Variants in LPIN1 observed in about 807,000 individuals in gnomAD.
LPIN1 encodes phosphatidate phosphatase LPIN1.
In LPIN1, 71 loss-of-function variants were observed where a neutral mutation model predicts 107.5. That is an observed-to-expected ratio of 0.66 (90% CI 0.55 to 0.80). The LOEUF (loss-of-function observed/expected upper bound fraction) is 0.80. Ranked by LOEUF, LPIN1 falls within the 30% of genes least tolerant of loss-of-function variation. LPIN1 has a pLI of 0.00. For missense variants in LPIN1, 1,043 were observed against 1,160.6 expected (o/e 0.90, Z 1.47); for synonymous variants, 445 against 452.6 (o/e 0.98, Z 0.21).
upstream of LPIN1, among the ~76,000 whole-genome samples, chr2:11,719,496 C>T (rs1270071199): frequency 6.6e-6 from 1 of 152,216 alleles, no homozygotes. Context: ...TTTAGTCAGA[C>T]TTTCCCTTTG....
chr2:11,726,420 C>T (rs1383089629), intron 1 of LPIN1, among the ~76,000 whole-genome samples: 5 of 152,096 alleles, frequency 3.3e-5, no homozygotes, highest in Admixed American at 2.6e-4. Context: ...TTTCCCATTA[C>T]CTAAGGTTTG....
chr2:11,705,662 G>T (rs1047562411), intron 1 of LPIN1, among the ~76,000 whole-genome samples: 1 of 152,174 alleles, frequency 6.6e-6, no homozygotes, highest in Admixed American at 6.5e-5. Flanking sequence ...GAATAGGAGG[G>T]GTTGAAATGC....
At chr2:11,682,988 A>G (rs1661805463) in intron 1 of LPIN1, 1 of 152,196 alleles carries the variant, frequency 6.6e-6, no homozygotes, top group Non-Finnish European at 1.5e-5. Flanking sequence ...ACCTGTTCCC[A>G]AAGGTCCTTT....
intron 3 of LPIN1, among the ~76,000 whole-genome samples, chr2:11,770,724 C>T (rs976165408): frequency 6.6e-6 from 1 of 152,146 alleles, no homozygotes; most frequent in Admixed American, 6.6e-5. Context: ...TTTATAAAAA[C>T]TGCTGAATCA....
At chr2:11,688,504 G>A (rs11889885) in intron 1 of LPIN1, among the ~76,000 whole-genome samples, 39,602 of 152,038 alleles carry the variant, frequency 0.26, 5,956 homozygotes, top group Middle Eastern at 0.36. Context: ...TTCAGGCCCC[G>A]CCTGTTCCTC....
intron 2 of LPIN1, among the ~76,000 whole-genome samples, chr2:11,715,846 C>CG (rs1663700699): frequency 6.6e-6 from 1 of 152,058 alleles, no homozygotes; most frequent in Admixed American, 6.5e-5. Flanking sequence ...CAGGAGGCCT[C>CG]GTCTGCTTTT....
chr2:11,697,277 C>A lies in LPIN1; in HGVS notation c.82-16479C>A, dbSNP rs1402335118. 1.3e-5 allele frequency among the ~76,000 whole-genome samples: 2 copies of A among 152,216 alleles called. No individual in the cohort carries two copies. The highest frequency in any genetic ancestry group is 3.8e-4 in the East Asian group (2 of 5,196). On this transcript the variant is annotated intron_variant, in intron 1 of 21. Coordinates refer to the LPIN1 transcript ENST00000449576. This position sits in a 1 kb window ranked among gnomAD's most constrained non-coding sequence, Gnocchi z 4.6. ...CTGCTTCTGGATACAACCGCACTAC[C>A]CAGATGCTTCCTGGCCTCGCCCAGC...
intron 1 of LPIN1, among the ~76,000 whole-genome samples, chr2:11,685,251 C>T (rs900820061): frequency 3.3e-5 from 5 of 152,142 alleles, no homozygotes; most frequent in African/African-American, 9.7e-5. Context: ...GCCAGTGTGG[C>T]CAGAGCTGAG....
intron 1 of LPIN1, among the ~76,000 whole-genome samples, chr2:11,708,628 A>C (rs1302754946): frequency 1.3e-5 from 2 of 152,182 alleles, no homozygotes; most frequent in Non-Finnish European, 2.9e-5. Flanking sequence ...AGCAGGAGGC[A>C]CAGGAGATGG....
At chr2:11,752,493 G>C (rs1667971210) in intron 1 of LPIN1, among the ~76,000 whole-genome samples, 1 of 134,402 alleles carries the variant, frequency 7.4e-6, no homozygotes, top group Non-Finnish European at 1.5e-5. Context: ...GTGCAGTGGC[G>C]GGATCTCGGC....
At chr2:11,819,631 G>A in intron 19 of LPIN1, 33 bp downstream of exon 19, 2 of 1,443,916 alleles carry the variant, frequency 1.4e-6, no homozygotes, top group Non-Finnish European at 2.0e-6. Context: ...AAGAACCCTT[G>A]AAATGACTGC....
chr2:11,752,045 C>T (rs932452430), intron 1 of LPIN1, among the ~76,000 whole-genome samples: 6 of 152,150 alleles, frequency 3.9e-5, no homozygotes, highest in African/African-American at 1.4e-4. Context: ...CAGAGTCATA[C>T]AGATATTAAG....
intron 1 of LPIN1, among the ~76,000 whole-genome samples, chr2:11,748,494 A>G (rs1339047080): frequency 6.6e-6 from 1 of 152,200 alleles, no homozygotes; most frequent in Non-Finnish European, 1.5e-5. Flanking sequence ...TGTTGCAAAA[A>G]TTAATTGAGA....
exon 2 of LPIN1, chr2:11,713,774 C>G (rs1401121289): frequency 1.3e-6 from 2 of 1,518,678 alleles, no homozygotes; most frequent in East Asian, 4.9e-5. Context: ...AATGAGAGAC[C>G]CTGGGTGGAT....
upstream of LPIN1, chr2:11,724,278 C>T (rs550213109): frequency 5.3e-5 from 48 of 906,018 alleles, no homozygotes; most frequent in Non-Finnish European, 6.1e-5. Flanking sequence ...TCATAGTCCC[C>T]GTGGGGGGCA....
intron 1 of LPIN1, among the ~76,000 whole-genome samples, chr2:11,693,533 G>A (rs6754255): frequency 0.13 from 20,181 of 151,712 alleles, 3,842 homozygotes; most frequent in African/African-American, 0.43. Flanking sequence ...TAGTTTCCTC[G>A]TGGTGTGAGT....
At chr2:11,729,059 C>T (rs1346418838) in intron 1 of LPIN1, among the ~76,000 whole-genome samples, 1 of 152,136 alleles carries the variant, frequency 6.6e-6, no homozygotes, top group East Asian at 1.9e-4. Flanking sequence ...GTGTTTTAGT[C>T]ATGAAGTCTT....
intron 1 of LPIN1, chr2:11,740,948 A>T: frequency 6.3e-6 from 1 of 159,964 alleles, no homozygotes; most frequent in South Asian, 1.9e-4. Flanking sequence ...TGCTTAGCAG[A>T]GGCATAAAAT....
chr2:11,709,512 T>C (rs1171931394), intron 1 of LPIN1, among the ~76,000 whole-genome samples: 1 of 152,224 alleles, frequency 6.6e-6, no homozygotes, highest in Non-Finnish European at 1.5e-5. Context: ...AATCCTCCAT[T>C]GGACTGTGAA....
Sources: allele counts gnomAD v4.1 joint callset (sites outside exome capture counted in the v4.1 genomes callset), GRCh38; gene constraint gnomAD v4.1.1; non-coding constraint Gnocchi (gnomAD v3.1); transcripts MANE v1.5; gene names NCBI Gene and HGNC (gene_info 2026-07-23, HGNC 2026-07-21).